The following KANK2 variants were observed in gnomAD, a reference collection of about 807,000 sequenced individuals.
The protein encoded by KANK2 is KN motif and ankyrin repeat domains 2.
KANK2 carries 41 observed loss-of-function variants against 74.6 expected under a neutral mutation model. That is an observed-to-expected ratio of 0.55 (90% CI 0.43 to 0.71). The LOEUF (loss-of-function observed/expected upper bound fraction) is 0.71. Ranked by LOEUF, KANK2 falls within the 30% of genes least tolerant of loss-of-function variation. The pLI is 0.00. For synonymous variants in KANK2, 537 were observed against 519.0 expected (o/e 1.03, Z -0.47); for missense variants, 1,148 against 1,196.4 (o/e 0.96, Z 0.60).
At chr19:11,185,046 G>C (rs2078637736) in intron 4 of KANK2, among the ~76,000 whole-genome samples, 1 of 148,368 alleles carries the variant, frequency 6.7e-6, no homozygotes, top group African/African-American at 2.5e-5. Flanking sequence ...CCTGACCTCA[G>C]TTGAGCCACC....
intron 4 of KANK2, among the ~76,000 whole-genome samples, chr19:11,188,550 G>A (rs2078744563): frequency 1.3e-5 from 2 of 150,650 alleles, no homozygotes; most frequent in South Asian, 4.2e-4. Context: ...GCTGGGTGCG[G>A]TAGCTCATTC....
intron 2 of KANK2, 169 bp from the exon 3 acceptor site, chr19:11,194,759 C>T (rs1302695797): frequency 4.8e-6 from 2 of 418,648 alleles, no homozygotes; most frequent in Non-Finnish European, 8.9e-6. Flanking sequence ...CCGACCCCCT[C>T]CCCCCCGCAG....
At position 11,169,981 on chromosome 19, in the gene KANK2, G is replaced by A. The variant is rs2078126569; in HGVS notation, c.2413-15C>T. The stretch of plus-strand genomic sequence containing the variant: ...GTGCTCCCATCCTGCAAAGTATCCG[G>A]TGCTATGAATGACGTCCCCATGCTG... On this transcript the variant is annotated splice_polypyrimidine_tract_variant and intron_variant, in intron 11 of 12. Coordinates refer to ENST00000586659, the MANE Select transcript of KANK2 (RefSeq NM_001136191.3). The A allele has an allele frequency of 2.5e-6, 4 of 1,613,866 alleles. No homozygotes were observed. Among genetic ancestry groups the A allele is most frequent in the Non-Finnish European group, 8.5e-7 (1 of 1,179,766 alleles).
intron 4 of KANK2, among the ~76,000 whole-genome samples, chr19:11,186,029 T>A (rs186225548): frequency 5.9e-5 from 9 of 151,542 alleles, no homozygotes; most frequent in Non-Finnish European, 8.8e-5. Context: ...AGACCCTGTC[T>A]CAAAAAACAA....
chr19:11,169,935 T>C lies in KANK2; in HGVS notation c.2444A>G (p.Asp815Gly). The C allele has an allele frequency of 1.2e-6, 2 of 1,614,158 alleles. No individual in the cohort carries two copies. The highest frequency in any genetic ancestry group is 1.7e-6 in the Non-Finnish European group (2 of 1,180,024). Residue 815 changes from aspartate (D) to glycine (G), a missense_variant, in exon 12 of 13, where the codon GAC becomes GGC. Transcript: ENST00000586659. Reference protein sequence around the residue: ...DGSTALMVALDAGQSEIASML... With the variant: ...DGSTALMVALGAGQSEIASML... The stretch of plus-strand genomic sequence containing the variant: ...GGACGCAATCTCACTCTGCCCTGCG[T>C]CCAAGGCCACCATCAGAGCTGTGCT...
At chr19:11,181,012 G>A (rs1019309270) in intron 4 of KANK2, among the ~76,000 whole-genome samples, 26 of 146,312 alleles carry the variant, frequency 1.8e-4, no homozygotes, top group Admixed American at 1.3e-3. Flanking sequence ...GCTTGAACCC[G>A]GAAGGCGGAG....
At chr19:11,178,845 T>A in intron 4 of KANK2, 125 bp from the exon 5 acceptor site, 1 of 800,658 alleles carries the variant, frequency 1.2e-6, no homozygotes. Context: ...ACATCCAGTC[T>A]TCCTGCCCCT....
intron 10 of KANK2, 137 bp downstream of exon 10, chr19:11,172,844 G>A (rs1032346560): frequency 1.1e-6 from 1 of 870,308 alleles, no homozygotes; most frequent in Non-Finnish European, 1.8e-6. Flanking sequence ...CCACAAGAAG[G>A]TCCTGTGTCA....
chr19:11,181,145 G>A (rs1238881803), intron 4 of KANK2, among the ~76,000 whole-genome samples: 2 of 149,156 alleles, frequency 1.3e-5, no homozygotes, highest in Non-Finnish European at 3.0e-5. Context: ...ATGAGGTGGA[G>A]CAATATTATG....
At chr19:11,187,116 C>T (rs796689711) in intron 4 of KANK2, among the ~76,000 whole-genome samples, 4 of 150,512 alleles carry the variant, frequency 2.7e-5, no homozygotes, top group South Asian at 4.2e-4. Flanking sequence ...ATTAGCCAGG[C>T]GTGGTAGCAG....
rs766012913 is a variant in KANK2, at chr19:11,170,292, G to C, written c.2212-44C>G. ...AGGATTATGGTTCATGCAGGCCCCA[G>C]GGCAGGACACCCCCTGGTCTAGAAC... On this transcript the variant is annotated intron_variant, in intron 10 of 12. Transcript: ENST00000586659. The surrounding 1 kb of genome is among the most constrained non-coding windows in gnomAD (Gnocchi z 5.2). 27 of 1,544,776 alleles carry C rather than the reference G, an allele frequency of 1.7e-5. No individual in the cohort carries two copies. The African/African-American group carries it at 3.3e-4, about 19-fold the overall frequency.
intron 2 of KANK2, 24 bp from the exon 3 acceptor site, chr19:11,194,614 C>T (rs1229588689): frequency 1.6e-5 from 15 of 934,044 alleles, no homozygotes; most frequent in East Asian, 4.9e-5. Context: ...ACCACGGCGC[C>T]GGGAGTTAGG....
At chr19:11,181,088 CAAA>C (rs752985367) in intron 4 of KANK2, among the ~76,000 whole-genome samples, 3 of 24,102 alleles carry the variant, frequency 1.2e-4, no homozygotes, top group East Asian at 5.7e-3. Context: ...CTCTTGTCTC[CAAA>C]AAAAAAAAAA....
intron 4 of KANK2, 197 bp downstream of exon 4, chr19:11,192,634 C>T (rs761230089): frequency 1.6e-6 from 1 of 616,676 alleles, no homozygotes; most frequent in Non-Finnish European, 2.9e-6. Flanking sequence ...TGGGTTTCAC[C>T]ATGTTGGCCA....
rs33941817 is a variant in KANK2, at chr19:11,177,093, C to CT, written c.1521-277dup. Reference sequence around the variant, plus strand: ...TGACACTTCTAGCATACTCACCCTCCTTTTTTTTTTTTTTTTTTTTGAGAT... The same window carrying CT: ...TGACACTTCTAGCATACTCACCCTCCTTTTTTTTTTTTTTTTTTTTTGAGAT... On this transcript the variant is annotated intron_variant, in intron 6 of 12. Transcript: ENST00000586659. 0.1 allele frequency among the ~76,000 whole-genome samples: 10,573 copies of CT among 104,740 alleles called. 1,737 individuals are homozygous for CT. The highest frequency in any genetic ancestry group is 0.26 in the African/African-American group (6,673 of 25,308). The allele number at this position is 104,740 out of a possible 152,430, so 68.7% of individuals were successfully genotyped here.
chr19:11,179,278 T>C (rs1464633399), intron 4 of KANK2, among the ~76,000 whole-genome samples: 2 of 143,860 alleles, frequency 1.4e-5, no homozygotes, highest in South Asian at 2.2e-4. Context: ...ATCACGCCAA[T>C]GCACTCCAGC....
At chr19:11,173,947 T>C (rs1038313226) in intron 9 of KANK2, among the ~76,000 whole-genome samples, 43 of 147,772 alleles carry the variant, frequency 2.9e-4, no homozygotes, top group African/African-American at 9.9e-4. Context: ...GTCTCCTCCA[T>C]TAAACTAGGC....
chr19:11,189,442 A>G (rs2078773487), intron 4 of KANK2, among the ~76,000 whole-genome samples: 1 of 151,660 alleles, frequency 6.6e-6, no homozygotes, highest in South Asian at 2.1e-4. Flanking sequence ...CATCTCTACT[A>G]AAAATACAAA....
chr19:11,188,984 C>CAA (rs35435362), intron 4 of KANK2, among the ~76,000 whole-genome samples: 8,976 of 113,824 alleles, frequency 0.079, 329 homozygotes, highest in Admixed American at 0.11. Flanking sequence ...GACTCCATCT[C>CAA]AAAAAAAAAA....
Sources: allele counts gnomAD v4.1 joint callset (sites outside exome capture counted in the v4.1 genomes callset), GRCh38; gene constraint gnomAD v4.1.1; non-coding constraint Gnocchi (gnomAD v3.1); transcripts MANE v1.5; gene names NCBI Gene and HGNC (gene_info 2026-07-23, HGNC 2026-07-21).